Variants in PCM1 observed in about 807,000 individuals in gnomAD.
PCM1 encodes pericentriolar material 1 protein.
PCM1 carries 157 observed loss-of-function variants against 241.9 expected under a neutral mutation model. The observed-to-expected ratio is 0.65, with a 90% CI of 0.57 to 0.74. The LOEUF is 0.74. PCM1 is among the 30% of genes least tolerant of loss of function. The pLI is 0.00. For synonymous variants in PCM1, 1,085 were observed against 784.9 expected (o/e 1.38, Z -6.39); for missense variants, 3,478 against 2,360.1 (o/e 1.47, Z -9.81).
chr8:17,938,658 C>T (rs983301362), intron 4 of PCM1, 82 bp from the exon 5 acceptor site: 16 of 946,048 alleles, frequency 1.7e-5, no homozygotes, highest in Non-Finnish European at 2.3e-5. Flanking sequence ...TATCTGATGG[C>T]GAAACTAAGA....
intron 2 of PCM1, among the ~76,000 whole-genome samples, chr8:17,932,334 G>C (rs1181944376): frequency 2.0e-5 from 3 of 152,090 alleles, no homozygotes; most frequent in African/African-American, 7.2e-5. Context: ...TTCAGTTTTA[G>C]TTCTTGATAC....
At chr8:17,936,148 G>T (rs964729361) in intron 3 of PCM1, among the ~76,000 whole-genome samples, 1 of 152,182 alleles carries the variant, frequency 6.6e-6, no homozygotes, top group African/African-American at 2.4e-5. Context: ...TATGGGTGCA[G>T]TTATGTACTG....
chr8:17,955,342 A>T, intron 9 of PCM1, 128 bp from the exon 10 acceptor site: 2 of 624,510 alleles, frequency 3.2e-6, no homozygotes, highest in Non-Finnish European at 5.4e-6. Flanking sequence ...AATTTTCTGA[A>T]ATTTAAATCT....
intron 6 of PCM1, among the ~76,000 whole-genome samples, chr8:17,945,421 C>T (rs965420749): frequency 1.3e-5 from 2 of 152,064 alleles, no homozygotes; most frequent in African/African-American, 4.8e-5. Context: ...TATTTGTTTC[C>T]CATGCTCATG....
chr8:17,967,050 A>G lies in PCM1; in HGVS notation c.3292A>G (p.Arg1098Gly). The part of the protein sequence containing the change: ...QHPEKPGGKE[R>G]GSSASHPPSP... ...TCCAGAAAAACCTGGAGGCAAGGAA[A>G]GAGGCAGTAGTGCATCGCACCCTCC... Residue 1098 changes from arginine (R) to glycine (G), a missense_variant, in exon 21 of 39, where the codon AGA (arginine) becomes GGA (glycine). Arg to Gly is a moderately radical substitution (Grantham distance 125). Transcript: ENST00000325083. 6.2e-7 allele frequency: 1 copy of G among 1,609,980 alleles called. No homozygotes were observed. The highest frequency in any genetic ancestry group is 8.5e-7 in the Non-Finnish European group (1 of 1,177,982).
At position 17,974,741 on chromosome 8, in the gene PCM1, T is replaced by C. The variant is rs141657980; in HGVS notation, c.3943+2054T>C. Among the ~76,000 whole-genome samples, 829 of 152,300 alleles carry C rather than the reference T, an allele frequency of 5.4e-3. 9 individuals are homozygous for C. Among genetic ancestry groups the C allele is most frequent in the African/African-American group, 0.019 (771 of 41,568 alleles). On this transcript the variant is annotated intron_variant, in intron 23 of 38. Transcript: ENST00000325083. ...TTCAAGACAAAGATTGACATTCTGATCTTTGTGCTCTTGTCCTTCATATTG... is the reference window on the plus strand; with the variant it reads ...TTCAAGACAAAGATTGACATTCTGACCTTTGTGCTCTTGTCCTTCATATTG...
At chr8:17,945,911 A>T (rs2063622412) in intron 6 of PCM1, among the ~76,000 whole-genome samples, 1 of 152,202 alleles carries the variant, frequency 6.6e-6, no homozygotes, top group South Asian at 2.1e-4. Context: ...GTGAAACAAA[A>T]GTGAAATATT....
chr8:17,942,072 A>T (rs2062249293), intron 6 of PCM1, among the ~76,000 whole-genome samples: 2 of 152,210 alleles, frequency 1.3e-5, no homozygotes, highest in South Asian at 4.1e-4. Flanking sequence ...ATATTAACAA[A>T]GGTTTTGAAA....
intron 2 of PCM1, among the ~76,000 whole-genome samples, chr8:17,930,783 G>T (rs1225806588): frequency 6.6e-6 from 1 of 151,976 alleles, no homozygotes; most frequent in East Asian, 2.0e-4. Context: ...GGGAGGCTGA[G>T]GCAGGAGAAT....
intron 2 of PCM1, among the ~76,000 whole-genome samples, chr8:17,932,771 A>T (rs1206333031): frequency 6.6e-6 from 1 of 151,928 alleles, no homozygotes; most frequent in Non-Finnish European, 1.5e-5. Context: ...AAAACCATTC[A>T]ATTTTCTTGT....
chr8:17,944,648 G>T (rs541590154), intron 6 of PCM1, among the ~76,000 whole-genome samples: 4 of 152,000 alleles, frequency 2.6e-5, no homozygotes, highest in South Asian at 4.2e-4. Context: ...ATCCTTTTTG[G>T]ATTTCTATTC....
At chr8:18,004,568 A>G (rs565742756) in intron 29 of PCM1, among the ~76,000 whole-genome samples, 2 of 152,332 alleles carry the variant, frequency 1.3e-5, no homozygotes, top group African/African-American at 2.4e-5. Context: ...TGAGGCCAGT[A>G]AAGAGTAGAA....
intron 36 of PCM1, among the ~76,000 whole-genome samples, chr8:18,022,851 C>G (rs912516210): frequency 6.6e-6 from 1 of 152,246 alleles, no homozygotes; most frequent in Middle Eastern, 3.4e-3. Flanking sequence ...TCAAAGGAAA[C>G]TCTAGAGGCA....
rs202205260 is a variant in PCM1 at position 17,948,914 on chromosome 8, TAGTC to T, written c.961+1554_961+1557del. On this transcript the variant is annotated intron_variant, in intron 7 of 38. Transcript: ENST00000325083. Reference sequence around the variant, plus strand: ...CTTTGATCATCAGAGATTTCTAGGTTAGTCAGAGCTTTAATTCTTATTTCTGTTT... The same window carrying T: ...CTTTGATCATCAGAGATTTCTAGGTTAGAGCTTTAATTCTTATTTCTGTTT... 5.9e-5 allele frequency among the ~76,000 whole-genome samples: 9 copies of T among 152,332 alleles called. No homozygotes were observed. The South Asian group carries it at 6.2e-4, about 11-fold the overall frequency.
At chr8:17,947,846 C>G (rs187336696) in intron 7 of PCM1, among the ~76,000 whole-genome samples, 187 of 152,248 alleles carry the variant, frequency 1.2e-3, no homozygotes, top group South Asian at 8.7e-3. Context: ...TTTGTATATG[C>G]TAGCTCCTTG....
chr8:18,019,993 T>C (rs2093630047), intron 36 of PCM1, among the ~76,000 whole-genome samples: 1 of 152,116 alleles, frequency 6.6e-6, no homozygotes, highest in Non-Finnish European at 1.5e-5. Flanking sequence ...AGATCTTGAG[T>C]CCCACATTTC....
chr8:17,939,135 T>A (rs1302128242), intron 5 of PCM1, 126 bp downstream of exon 5: 1 of 800,450 alleles, frequency 1.2e-6, no homozygotes, highest in African/African-American at 1.7e-5. Flanking sequence ...TTCACTGACC[T>A]CCTTTGTTAA....
At chr8:17,930,660 C>T (rs961920177) in intron 2 of PCM1, among the ~76,000 whole-genome samples, 5 of 151,694 alleles carry the variant, frequency 3.3e-5, no homozygotes, top group East Asian at 4.0e-4. Context: ...GGGCGGATCA[C>T]GAGGTCAGGA....
At chr8:17,941,261 G>A (rs955271307) in intron 6 of PCM1, among the ~76,000 whole-genome samples, 1 of 152,168 alleles carries the variant, frequency 6.6e-6, no homozygotes, top group African/African-American at 2.4e-5. Flanking sequence ...TGTTGGGGAG[G>A]AGTGGGAACT....
Sources: allele counts gnomAD v4.1 joint callset (sites outside exome capture counted in the v4.1 genomes callset), GRCh38; gene constraint gnomAD v4.1.1; transcripts MANE v1.5; gene names NCBI Gene and HGNC (gene_info 2026-07-23, HGNC 2026-07-21).